The following DLG2 variants were observed in gnomAD, a reference collection of about 807,000 sequenced individuals.
DLG2 encodes the protein discs large MAGUK scaffold protein 2.
In DLG2, 45 loss-of-function variants were observed where a neutral mutation model predicts 132.5. The observed-to-expected ratio is 0.34, with a 90% CI of 0.27 to 0.44. DLG2 has a LOEUF of 0.44. Among genes scored for constraint, DLG2 ranks in the 20% least tolerant of loss-of-function variants. DLG2 has a pLI of 1.00. For missense variants in DLG2, 1,045 were observed against 1,196.9 expected, an observed-to-expected ratio of 0.87 and a Z score of 1.87; for synonymous variants, 424 against 419.6, an observed-to-expected ratio of 1.01 and a Z score of -0.13.
chr11:83,914,162 G>A (rs975458015), intron 15 of DLG2, among the ~76,000 whole-genome samples: 4 of 152,062 alleles, frequency 2.6e-5, no homozygotes, highest in African/African-American at 7.2e-5. Flanking sequence ...TTTGGTTGTG[G>A]GGGCAGATCT....
chr11:85,563,740 T>C (rs1360262670), intron 3 of DLG2, among the ~76,000 whole-genome samples: 2 of 152,120 alleles, frequency 1.3e-5, no homozygotes, highest in Non-Finnish European at 2.9e-5. Context: ...ACATTTGGAA[T>C]TCAGTCTGGG....
chr11:83,501,382 G>A (rs952371345), intron 21 of DLG2, among the ~76,000 whole-genome samples: 4 of 152,034 alleles, frequency 2.6e-5, no homozygotes, highest in Non-Finnish European at 5.9e-5. Flanking sequence ...GATCAGTGTT[G>A]GGCAGGGAGA....
chr11:84,893,489 G>A (rs1402637379), intron 6 of DLG2, among the ~76,000 whole-genome samples: 1 of 152,102 alleles, frequency 6.6e-6, no homozygotes, highest in Non-Finnish European at 1.5e-5. Context: ...GGAAGAAAAC[G>A]AGGTGGTTCT....
chr11:85,264,003 G>T (rs1446994584), intron 4 of DLG2, among the ~76,000 whole-genome samples: 1 of 152,190 alleles, frequency 6.6e-6, no homozygotes, highest in African/African-American at 2.4e-5. Flanking sequence ...TTATAGGGTC[G>T]TGCTGGAGTG....
chr11:84,990,006 C>A (rs1237359614), intron 6 of DLG2, among the ~76,000 whole-genome samples: 4 of 152,080 alleles, frequency 2.6e-5, no homozygotes, highest in Non-Finnish European at 5.9e-5. Context: ...GAAAAATTAA[C>A]AAATTAGACT....
intron 6 of DLG2, among the ~76,000 whole-genome samples, chr11:84,922,632 T>C (rs1166719809): frequency 1.3e-5 from 2 of 152,080 alleles, no homozygotes; most frequent in African/African-American, 4.8e-5. Flanking sequence ...ACAGAGCACA[T>C]CTAATGCCAT....
intron 4 of DLG2, among the ~76,000 whole-genome samples, chr11:85,185,783 T>C (rs986246578): frequency 1.3e-5 from 2 of 151,868 alleles, no homozygotes; most frequent in African/African-American, 2.4e-5. Context: ...TCACATATAT[T>C]ACATATTAAG....
At chr11:83,724,912 A>G (rs1479025958) in intron 18 of DLG2, 5 of 702,298 alleles carry the variant, frequency 7.1e-6, no homozygotes, top group South Asian at 5.9e-5. Context: ...CTGCTTCCCA[A>G]ATTCAGCTCT....
chr11:84,967,244 A>G (rs1231246897), intron 6 of DLG2, among the ~76,000 whole-genome samples: 1 of 152,104 alleles, frequency 6.6e-6, no homozygotes, highest in Admixed American at 6.6e-5. Context: ...TCGGGAACAC[A>G]TCTTTAAAAC....
chr11:83,687,362 G>C (rs1313639564), intron 18 of DLG2, among the ~76,000 whole-genome samples: 2 of 152,148 alleles, frequency 1.3e-5, no homozygotes, highest in African/African-American at 4.8e-5. Context: ...GAAATTGGCA[G>C]GGCCGGGCTT....
At chr11:85,326,238 C>T (rs1282196942) in intron 3 of DLG2, among the ~76,000 whole-genome samples, 2 of 137,582 alleles carry the variant, frequency 1.5e-5, no homozygotes, top group Non-Finnish European at 3.1e-5. Context: ...TCTAGCAAGG[C>T]AGGCCAACGT....
At chr11:85,552,550 TA>T (rs2076725685) in intron 3 of DLG2, among the ~76,000 whole-genome samples, 1 of 151,368 alleles carries the variant, frequency 6.6e-6, no homozygotes, top group Non-Finnish European at 1.5e-5. Context: ...ATTTAAAAAA[TA>T]AAAGAAATAC....
chr11:85,037,374 T>C (rs558186280), intron 6 of DLG2, among the ~76,000 whole-genome samples: 2 of 152,204 alleles, frequency 1.3e-5, no homozygotes, highest in African/African-American at 4.8e-5. Flanking sequence ...TCTTCCTTTA[T>C]AAGTTGAGGA....
At chr11:84,212,654 C>T (rs1355185782) in intron 8 of DLG2, among the ~76,000 whole-genome samples, 8 of 152,126 alleles carry the variant, frequency 5.3e-5, no homozygotes, top group Non-Finnish European at 8.8e-5. Context: ...AATTCAAGTA[C>T]GGTACTTACT....
At chr11:84,263,216 G>A (rs1370771228) in intron 7 of DLG2, among the ~76,000 whole-genome samples, 1 of 151,878 alleles carries the variant, frequency 6.6e-6, no homozygotes, top group East Asian at 1.9e-4. Flanking sequence ...CATCCTGCTA[G>A]GAAATACTGT....
chr11:84,123,583 A>G (rs925169780), intron 9 of DLG2, among the ~76,000 whole-genome samples: 1 of 152,170 alleles, frequency 6.6e-6, no homozygotes, highest in Non-Finnish European at 1.5e-5. Flanking sequence ...AATCCTGCTT[A>G]CATTCAATCC....
At chr11:84,273,308 A>G in intron 7 of DLG2, 5 of 698,158 alleles carry the variant, frequency 7.2e-6, no homozygotes, top group South Asian at 3.2e-5. Context: ...TTGAAGAGGA[A>G]AAAAAAAAAA....
chr11:84,684,105 A>G (rs1031531752), intron 6 of DLG2, among the ~76,000 whole-genome samples: 1 of 152,210 alleles, frequency 6.6e-6, no homozygotes, highest in Admixed American at 6.5e-5. Context: ...TACATCTCAG[A>G]TATTTAATCA....
chr11:85,089,862 AC>A (rs1301005418), intron 6 of DLG2, among the ~76,000 whole-genome samples: 10 of 152,176 alleles, frequency 6.6e-5, no homozygotes, highest in Non-Finnish European at 1.3e-4. Context: ...TGCAAATCAA[AC>A]CCACAATGAG....
Sources: gnomAD v4.1 joint callset for allele counts (sites outside exome capture counted in the v4.1 genomes callset) on GRCh38, gnomAD v4.1.1 for gene constraint, MANE v1.5 for transcripts, NCBI Gene and HGNC (gene_info 2026-07-23, HGNC 2026-07-21) for gene names.